Variants in VRK2 observed in about 807,000 individuals in gnomAD.
The protein encoded by VRK2 is serine/threonine-protein kinase VRK2.
Under a neutral mutation model 57.6 loss-of-function variants are expected in VRK2, and 60 were observed. The observed-to-expected ratio is 1.04, with a 90% CI of 0.85 to 1.29. The LOEUF is 1.29. VRK2 is among the 50% of genes most tolerant of loss of function. The pLI is 0.00. For missense variants in VRK2, 705 were observed against 588.1 expected, an observed-to-expected ratio of 1.20 and a Z score of -2.06; for synonymous variants, 231 against 199.2, an observed-to-expected ratio of 1.16 and a Z score of -1.35.
intron 10 of VRK2, among the ~76,000 whole-genome samples, chr2:58,137,161 T>G (rs1680389639): frequency 8.3e-5 from 1 of 12,018 alleles, no homozygotes. Flanking sequence ...TGTGTTTATA[T>G]ATATCATATA....
At chr2:58,095,091 A>C (rs2118899) in intron 7 of VRK2, among the ~76,000 whole-genome samples, 112,129 of 151,882 alleles carry the variant, frequency 0.74, 42,364 homozygotes, top group African/African-American at 0.92. Context: ...GTCAGGAGAT[A>C]GAGACCATCC....
At chr2:58,043,364 ATAAC>A (rs541752590), upstream of VRK2, among the ~76,000 whole-genome samples, 1 of 152,190 alleles carries the variant, frequency 6.6e-6, no homozygotes, top group Admixed American at 6.5e-5. Context: ...TTTTAAGTGT[ATAAC>A]TAGAGGAATT....
chr2:58,152,562 T>C lies in VRK2; in HGVS notation c.1182+6088T>C, dbSNP rs368102630. On this transcript the variant is annotated intron_variant, in intron 12 of 12. Coordinates refer to ENST00000340157, the MANE Select transcript of VRK2 (RefSeq NM_006296.7). ...ACAGTTACTGAAATTCTTTATTCCTTCAATAGATCTTAGTTTGGTATAATT... is the reference window on the plus strand; with the variant it reads ...ACAGTTACTGAAATTCTTTATTCCTCCAATAGATCTTAGTTTGGTATAATT... 3.3e-5 allele frequency among the ~76,000 whole-genome samples: 5 copies of C among 152,042 alleles called. 1 individual carries two copies. The highest frequency in any genetic ancestry group is 1.2e-4 in the African/African-American group (5 of 41,558).
intron 2 of VRK2, among the ~76,000 whole-genome samples, chr2:58,075,425 A>G (rs1669958155): frequency 6.6e-6 from 1 of 152,076 alleles, no homozygotes. Context: ...GCTGGGTTGA[A>G]TAGTATTTCT....
In VRK2 at chr2:57,919,809, C is replaced by T. The variant is rs376600401; in HGVS notation, c.-439+11970C>T. ...GGAAAACACTAATCCATTAATCAAC[C>T]GAAGTCAGTAATTTTTTTTTAAAAA... On this transcript the variant is annotated intron_variant, in intron 1 of 15. Coordinates refer to the VRK2 transcript ENST00000417641. Among the ~76,000 whole-genome samples, 156 of 151,976 alleles carry T rather than the reference C, an allele frequency of 1.0e-3. 1 individual carries two copies. The South Asian group carries it at 0.011, about 10-fold the overall frequency.
chr2:58,137,235 T>C (rs1378045015), intron 10 of VRK2, among the ~76,000 whole-genome samples: 1 of 50,722 alleles, frequency 2.0e-5, no homozygotes, highest in African/African-American at 5.8e-5. Context: ...ATATGATACA[T>C]ATATATCATA....
chr2:57,974,864 AAAC>A, intron 1 of VRK2, among the ~76,000 whole-genome samples: 1 of 152,078 alleles, frequency 6.6e-6, no homozygotes, highest in East Asian at 1.9e-4. Flanking sequence ...TAATGCCATC[AAAC>A]AATATAAAAG....
At chr2:58,017,425 T>C (rs922564344) in intron 1 of VRK2, among the ~76,000 whole-genome samples, 5 of 152,214 alleles carry the variant, frequency 3.3e-5, no homozygotes, top group Non-Finnish European at 7.3e-5. Context: ...TCCTCCATCA[T>C]AACTGCCTAA....
chr2:57,928,328 G>C (rs531723185), intron 1 of VRK2, among the ~76,000 whole-genome samples: 62 of 152,016 alleles, frequency 4.1e-4, no homozygotes, highest in African/African-American at 1.5e-3. Flanking sequence ...AAAAGACTCT[G>C]ATGCATTCTT....
chr2:58,080,929 C>A (rs1558608479), intron 2 of VRK2, among the ~76,000 whole-genome samples: 1 of 151,880 alleles, frequency 6.6e-6, no homozygotes, highest in Non-Finnish European at 1.5e-5. Flanking sequence ...AGAATTGTTA[C>A]TTCCTCTTGT....
At chr2:57,973,968 G>T (rs1477450035) in intron 1 of VRK2, among the ~76,000 whole-genome samples, 1 of 151,872 alleles carries the variant, frequency 6.6e-6, no homozygotes, top group African/African-American at 2.4e-5. Context: ...TGAGAAGGAG[G>T]TAGAGAAGCC....
intron 1 of VRK2, among the ~76,000 whole-genome samples, chr2:57,976,453 T>C (rs1324402419): frequency 1.3e-5 from 2 of 152,114 alleles, no homozygotes; most frequent in African/African-American, 2.4e-5. Flanking sequence ...TTTTAAATAA[T>C]AGCCATTCTG....
At chr2:57,989,541 G>T (rs1190671558) in intron 1 of VRK2, among the ~76,000 whole-genome samples, 2 of 152,014 alleles carry the variant, frequency 1.3e-5, no homozygotes, top group Non-Finnish European at 2.9e-5. Flanking sequence ...AAATTTTGTT[G>T]TTTTCATAGT....
intron 7 of VRK2, among the ~76,000 whole-genome samples, chr2:58,094,392 G>A (rs1046309444): frequency 6.6e-6 from 1 of 152,188 alleles, no homozygotes; most frequent in African/African-American, 2.4e-5. Flanking sequence ...TCCCTTGTAA[G>A]TTGGATTCCT....
In VRK2 at chr2:58,047,461, C is replaced by T. The variant is rs1675003192; in HGVS notation, c.-6+593C>T. 3.0e-6 allele frequency: 3 copies of T among 985,230 alleles called. No homozygotes were observed. The East Asian group carries it at 3.4e-4, about 112-fold the overall frequency. 61.0% of individuals were successfully genotyped at this position (985,230 alleles called of 1,614,324 possible). ...CCTTGGCAGATGAACTCGGGACTCG[C>T]CCCCAGGATGTACATTTCGTAGAGT... On this transcript the variant is annotated intron_variant, in intron 1 of 12. Coordinates refer to ENST00000340157, the MANE Select transcript of VRK2 (RefSeq NM_006296.7).
At chr2:58,093,419 G>T (rs1041159839) in intron 7 of VRK2, among the ~76,000 whole-genome samples, 1 of 152,072 alleles carries the variant, frequency 6.6e-6, no homozygotes, top group African/African-American at 2.4e-5. Flanking sequence ...GGCCAGTGAT[G>T]ATGAGCATTT....
intron 10 of VRK2, among the ~76,000 whole-genome samples, chr2:58,136,558 T>C (rs1023375688): frequency 6.6e-6 from 1 of 151,722 alleles, no homozygotes; most frequent in African/African-American, 2.4e-5. Context: ...CTACTTTTTG[T>C]ATTTTTAGTA....
intron 7 of VRK2, among the ~76,000 whole-genome samples, chr2:58,094,892 T>C (rs1672900814): frequency 6.6e-6 from 1 of 152,210 alleles, no homozygotes; most frequent in African/African-American, 2.4e-5. Context: ...AGCTTTATAA[T>C]GTAATTTAAC....
At chr2:58,087,801 A>T (rs1481277477) in intron 5 of VRK2, among the ~76,000 whole-genome samples, 1 of 152,194 alleles carries the variant, frequency 6.6e-6, no homozygotes, top group African/African-American at 2.4e-5. Context: ...ATCCTGGCCA[A>T]CATGGTGAAA....
Sources: gnomAD v4.1 joint callset for allele counts (sites outside exome capture counted in the v4.1 genomes callset) on GRCh38, gnomAD v4.1.1 for gene constraint, MANE v1.5 for transcripts, NCBI Gene and HGNC (gene_info 2026-07-23, HGNC 2026-07-21) for gene names.